FECH: variants seen among roughly 807,000 people sequenced by gnomAD.
The protein encoded by FECH is ferrochelatase.
A neutral mutation model predicts 56.9 loss-of-function variants in FECH; 40 were observed. The ratio of observed to expected loss-of-function variants is 0.70; its 90% CI spans 0.55 to 0.92. FECH has a LOEUF of 0.92. Ranked by LOEUF, FECH falls within the 40% of genes least tolerant of loss-of-function variation. FECH has a pLI of 0.00. For synonymous variants in FECH, 175 were observed against 198.6 expected, an observed-to-expected ratio of 0.88 and a Z score of 1.00; for missense variants, 431 against 529.1, an observed-to-expected ratio of 0.81 and a Z score of 1.82.
chr18:57,586,464 G>T, intron 1 of FECH, 90 bp downstream of exon 1: 8 of 1,376,434 alleles, frequency 5.8e-6, no homozygotes, highest in Non-Finnish European at 7.8e-6. Flanking sequence ...CGAATCCCCC[G>T]GGCGCGAGGG....
rs2050747877 is a variant in FECH at position 57,548,359 on chromosome 18, A to G, written c.*2353T>C. The stretch of plus-strand genomic sequence containing the variant: ...TTTTAAAAAGTTAAGTAGTTCAAGA[A>G]TGCATATTCTTTAGAAGAGCACTAT... On this transcript the variant is annotated 3_prime_UTR_variant, in exon 11 of 11. Coordinates refer to ENST00000262093, the MANE Select transcript of FECH (RefSeq NM_000140.5). 1 of 152,204 alleles carries G rather than the reference A, an allele frequency of 6.6e-6. No individual in the cohort carries two copies. The highest frequency in any genetic ancestry group is 1.5e-5 in the Non-Finnish European group (1 of 68,040). 9.4% of individuals were successfully genotyped at this position (152,204 alleles called of 1,614,324 possible).
intron 4 of FECH, among the ~76,000 whole-genome samples, chr18:57,569,696 G>A (rs2051068167): frequency 2.6e-5 from 4 of 151,626 alleles, no homozygotes. Flanking sequence ...CTGCTGGGGT[G>A]TGCCCCACCC....
intron 6 of FECH, among the ~76,000 whole-genome samples, chr18:57,560,990 T>A (rs1213765281): frequency 6.6e-6 from 1 of 152,182 alleles, no homozygotes; most frequent in Non-Finnish European, 1.5e-5. Context: ...ATTTATAATG[T>A]AAATTCTCAG....
At chr18:57,570,019 TTGTTGTTGTTGTCG>T (rs2051074263) in intron 4 of FECH, among the ~76,000 whole-genome samples, 1 of 117,008 alleles carries the variant, frequency 8.5e-6, no homozygotes, top group Admixed American at 8.9e-5. Flanking sequence ...GCTGTTGTTG[TTGTTGTTGTTGTCG>T]TGTGTGTGTG....
rs192996063 is a variant in FECH at position 57,557,193 on chromosome 18, G to T, written c.804+1952C>A. Among the ~76,000 whole-genome samples, 272 of 152,310 alleles carry T rather than the reference G, an allele frequency of 1.8e-3. 1 individual carries two copies. Among genetic ancestry groups the T allele is most frequent in the African/African-American group, 5.7e-3 (239 of 41,568 alleles). On this transcript the variant is annotated intron_variant, in intron 7 of 10. Transcript: ENST00000262093. The stretch of plus-strand genomic sequence containing the variant: ...AACACTGGGAGAGGCTGAGTAGAGG[G>T]TATATGTACTCTTTTAACTCTGTAC...
chr18:57,582,635 C>T (rs560577140), intron 1 of FECH, among the ~76,000 whole-genome samples: 16 of 151,726 alleles, frequency 1.1e-4, no homozygotes, highest in Middle Eastern at 3.4e-3. Context: ...AAAGAAAGGC[C>T]GGGCGCGGTG....
At chr18:57,584,370 T>A (rs1405877344) in intron 1 of FECH, among the ~76,000 whole-genome samples, 3 of 147,914 alleles carry the variant, frequency 2.0e-5, no homozygotes, top group African/African-American at 7.4e-5. Context: ...ACTTCATAAT[T>A]CCTGGACAAA....
intron 6 of FECH, among the ~76,000 whole-genome samples, chr18:57,561,998 C>G (rs1386018834): frequency 6.6e-6 from 1 of 152,304 alleles, no homozygotes; most frequent in East Asian, 1.9e-4. Flanking sequence ...CTGGGGAGAG[C>G]TGGCCTGATT....
chr18:57,544,639 T>G lies in FECH; in HGVS notation c.*6073A>C, dbSNP rs1249273985. 6.6e-6 allele frequency among the ~76,000 whole-genome samples: 1 copy of G among 152,236 alleles called. No homozygotes were observed. The highest frequency in any genetic ancestry group is 1.5e-5 in the Non-Finnish European group (1 of 68,038). ...CAATGCAAATATGAAACAACTTCTT[T>G]GTATGCCAATACTTCACTTGGATAA... On this transcript the variant is annotated 3_prime_UTR_variant, in exon 11 of 11. Coordinates refer to ENST00000262093, the MANE Select transcript of FECH (RefSeq NM_000140.5).
chr18:57,573,225 A>G, intron 3 of FECH, 21 bp downstream of exon 3: 3 of 1,610,132 alleles, frequency 1.9e-6, no homozygotes, highest in Non-Finnish European at 2.6e-6. Flanking sequence ...GTTATAATTG[A>G]GGTGTTTATA....
At chr18:57,552,845 G>T (rs1001439424) in intron 9 of FECH, among the ~76,000 whole-genome samples, 15 of 152,182 alleles carry the variant, frequency 9.9e-5, no homozygotes, top group African/African-American at 3.6e-4. Context: ...AATAACCAGC[G>T]TTGGTAAAGG....
At chr18:57,575,191 T>C (rs1404688685) in intron 2 of FECH, among the ~76,000 whole-genome samples, 2 of 152,200 alleles carry the variant, frequency 1.3e-5, no homozygotes, top group Non-Finnish European at 2.9e-5. Context: ...TCACTCCTCT[T>C]TATTGCTAAA....
rs538044456 is a variant in FECH at position 57,562,805 on chromosome 18, C to T, written c.705+69G>A. ...AAGGCTCAGAAGGACATCCACAAACCCAGAAGGGATGAGAAGCTGATTCAC... is the reference window on the plus strand; with the variant it reads ...AAGGCTCAGAAGGACATCCACAAACTCAGAAGGGATGAGAAGCTGATTCAC... On this transcript the variant is annotated intron_variant, in intron 6 of 10. Coordinates refer to ENST00000262093, the MANE Select transcript of FECH (RefSeq NM_000140.5). 4 of 1,245,554 alleles carry T rather than the reference C, an allele frequency of 3.2e-6. No homozygotes were observed. The East Asian group carries it at 7.0e-5, about 22-fold the overall frequency. The allele number at this position is 1,245,554 out of a possible 1,614,324, so 77.2% of individuals were successfully genotyped here.
rs1451033640 is a variant in FECH at position 57,548,769 on chromosome 18, C to T, written c.*1943G>A. The T allele has an allele frequency of 6.6e-6, 1 of 152,204 alleles. No individual in the cohort carries two copies. 9.4% of individuals were successfully genotyped at this position (152,204 alleles called of 1,614,324 possible). On this transcript the variant is annotated 3_prime_UTR_variant, in exon 11 of 11. Coordinates refer to ENST00000262093, the MANE Select transcript of FECH (RefSeq NM_000140.5). ...AGCCAGTCTGGTCCCAACTCAGTATCAAGGACATTATTCCAGACAGCACAG... is the reference window on the plus strand; with the variant it reads ...AGCCAGTCTGGTCCCAACTCAGTATTAAGGACATTATTCCAGACAGCACAG...
chr18:57,550,938 T>C, intron 10 of FECH, 92 bp from the exon 11 acceptor site: 1 of 1,553,846 alleles, frequency 6.4e-7, no homozygotes, highest in African/African-American at 1.4e-5. Context: ...GTCAGCGCTC[T>C]GGCTTGGGGT....
chr18:57,568,610 G>A (rs2051049986), intron 4 of FECH, among the ~76,000 whole-genome samples: 1 of 152,092 alleles, frequency 6.6e-6, no homozygotes, highest in African/African-American at 2.4e-5. Flanking sequence ...ACATCTCGTG[G>A]GCAGATCTGG....
rs1330824615 is a variant in FECH at position 57,548,522 on chromosome 18, A to G, written c.*2190T>C. On this transcript the variant is annotated 3_prime_UTR_variant, in exon 11 of 11. Transcript: ENST00000262093. ...TATATACACAGCTGAAGAAACTGCC[A>G]GCAGTTCATTGCTAATTACCAGGGC... 1 of 152,248 alleles carries G rather than the reference A, an allele frequency of 6.6e-6. No individual in the cohort carries two copies. Among genetic ancestry groups the G allele is most frequent in the Admixed American group, 6.5e-5 (1 of 15,278 alleles). 9.4% of individuals were successfully genotyped at this position (152,248 alleles called of 1,614,324 possible). A position where few individuals can be genotyped will look rare whatever the true frequency, so the allele number is the denominator to read the frequency against.
chr18:57,561,066 A>G (rs568790036), intron 6 of FECH, among the ~76,000 whole-genome samples: 6 of 152,300 alleles, frequency 3.9e-5, no homozygotes, highest in East Asian at 1.9e-4. Context: ...TTTGGAAACT[A>G]AAGATGCTCA....
chr18:57,580,502 C>T (rs1431500208), intron 1 of FECH, among the ~76,000 whole-genome samples: 1 of 152,098 alleles, frequency 6.6e-6, no homozygotes, highest in Admixed American at 6.6e-5. Context: ...AACCCCTGCA[C>T]GAGACCAACA....
Sources: allele counts gnomAD v4.1 joint callset (sites outside exome capture counted in the v4.1 genomes callset), GRCh38; gene constraint gnomAD v4.1.1; transcripts MANE v1.5; gene names NCBI Gene and HGNC (gene_info 2026-07-23, HGNC 2026-07-21).